CHIC1: variants seen among roughly 807,000 people sequenced by gnomAD.
CHIC1 encodes the protein cysteine-rich hydrophobic domain-containing protein 1.
CHIC1 carries 7 observed loss-of-function variants against 18.5 expected under a neutral mutation model. That is an observed-to-expected ratio of 0.38 (90% CI 0.22 to 0.71). The LOEUF (loss-of-function observed/expected upper bound fraction) is 0.71. Among genes scored for constraint, CHIC1 ranks in the 30% least tolerant of loss-of-function variants. CHIC1 has a pLI of 0.49. For missense variants in CHIC1, 159 were observed against 176.9 expected (o/e 0.90, Z 0.57); for synonymous variants, 77 against 73.5 (o/e 1.05, Z -0.25).
chrX:73,684,631 TTGATTA>T lies in CHIC1; in HGVS notation c.*3628_*3633del, dbSNP rs2058113645. 1 of 111,461 alleles carries T rather than the reference TTGATTA, an allele frequency of 9.0e-6. No homozygotes were observed. Among genetic ancestry groups the T allele is most frequent in the Admixed American group, 9.6e-5 (1 of 10,452 alleles). 9.2% of individuals were successfully genotyped at this position (111,461 alleles called of 1,213,427 possible). On this transcript the variant is annotated 3_prime_UTR_variant, in exon 6 of 6. Transcript: ENST00000373502. ...CATAGTAGAAATACTTTTTGCTAAT[TTGATTA>T]TAAGTGCTCAAATTTATTGAAATTA...
chrX:73,574,946 G>C (rs1156284049), intron 1 of CHIC1, among the ~76,000 whole-genome samples: 1 of 109,498 alleles, frequency 9.1e-6, no homozygotes, highest in Non-Finnish European at 1.9e-5. Flanking sequence ...GGGTTATTTT[G>C]TTCTTGTTTT....
chrX:73,601,809 T>A (rs1408435808), intron 3 of CHIC1, among the ~76,000 whole-genome samples: 1 of 104,739 alleles, frequency 9.5e-6, no homozygotes, highest in Non-Finnish European at 1.9e-5. Flanking sequence ...ATTGATAGAC[T>A]GCTAGCCAGA....
At chrX:73,563,689 G>A in intron 1 of CHIC1, 109 bp downstream of exon 1, 1 of 771,222 alleles carries the variant, frequency 1.3e-6, no homozygotes. Flanking sequence ...GATTGACTGA[G>A]GCGTACACTT....
At chrX:73,610,733 T>A (rs2057704339) in intron 3 of CHIC1, among the ~76,000 whole-genome samples, 1 of 108,697 alleles carries the variant, frequency 9.2e-6, no homozygotes, top group Non-Finnish European at 1.9e-5. Flanking sequence ...GGACACTTTT[T>A]TAAATTACTG....
chrX:73,667,127 C>CT (rs1350209400), intron 3 of CHIC1, among the ~76,000 whole-genome samples: 2 of 111,761 alleles, frequency 1.8e-5, no homozygotes, highest in Non-Finnish European at 3.8e-5. Flanking sequence ...CTTTTTTGAT[C>CT]TTTGTTGGTT....
chrX:73,610,523 G>A (rs2057703444), intron 3 of CHIC1, among the ~76,000 whole-genome samples: 1 of 107,440 alleles, frequency 9.3e-6, no homozygotes, highest in South Asian at 3.9e-4. Context: ...GGCCATCTTG[G>A]CCCCTTCCCA....
chrX:73,612,130 C>G (rs1313954670), intron 3 of CHIC1, among the ~76,000 whole-genome samples: 1 of 111,027 alleles, frequency 9.0e-6, no homozygotes, highest in Non-Finnish European at 1.9e-5. Context: ...CCTAAGTTTT[C>G]TTCTAGGGTT....
chrX:73,575,464 T>C (rs935716393), intron 1 of CHIC1, among the ~76,000 whole-genome samples: 1 of 110,258 alleles, frequency 9.1e-6, no homozygotes, highest in Non-Finnish European at 1.9e-5. Flanking sequence ...ACCTAGATGG[T>C]ATAGCCTAGT....
At chrX:73,580,971 G>A (rs1026139137) in intron 2 of CHIC1, among the ~76,000 whole-genome samples, 3 of 111,155 alleles carry the variant, frequency 2.7e-5, no homozygotes, top group Non-Finnish European at 3.8e-5. Context: ...AGAAAAGATT[G>A]TTTTCCCTAT....
intron 3 of CHIC1, among the ~76,000 whole-genome samples, chrX:73,604,463 G>C (rs1280721570): frequency 9.2e-6 from 1 of 108,125 alleles, no homozygotes; most frequent in African/African-American, 3.6e-5. Flanking sequence ...CCAGTTCCTG[G>C]ATTCATTGAT....
intron 3 of CHIC1, among the ~76,000 whole-genome samples, chrX:73,603,760 TTG>T (rs1472336775): frequency 4.6e-5 from 5 of 108,843 alleles, no homozygotes; most frequent in Admixed American, 1.9e-4. Flanking sequence ...TGAGATAATC[TTG>T]TGGGTTTGGT....
At position 73,619,096 on chromosome X, in the gene CHIC1, G is replaced by C. The variant is rs770392335; in HGVS notation, c.507+34524G>C. ...GTTCCCCAGTGAGGGTGTGTGTTCA[G>C]GGGTAAGATGATCCACCTTTCACAC... On this transcript the variant is annotated intron_variant, in intron 3 of 5. Coordinates refer to ENST00000373502, the MANE Select transcript of CHIC1 (RefSeq NM_001039840.4). Among the ~76,000 whole-genome samples the C allele has an allele frequency of 7.1e-5, 8 of 112,244 alleles. No individual in the cohort carries two copies. In the South Asian group the frequency reaches 3.0e-3, roughly 42 times the overall value.
chrX:73,648,647 G>T (rs144933558), intron 3 of CHIC1, among the ~76,000 whole-genome samples: 2 of 111,185 alleles, frequency 1.8e-5, no homozygotes, highest in African/African-American at 6.6e-5. Flanking sequence ...CTGAAAAAGG[G>T]CATGCATACA....
intron 3 of CHIC1, among the ~76,000 whole-genome samples, chrX:73,641,647 C>T (rs767917243): frequency 9.1e-6 from 1 of 110,211 alleles, no homozygotes; most frequent in South Asian, 4.0e-4. Context: ...AGGTATATCT[C>T]CTAAAGCCAT....
chrX:73,653,557 C>A (rs888010259), intron 3 of CHIC1, among the ~76,000 whole-genome samples: 1 of 111,583 alleles, frequency 9.0e-6, no homozygotes, highest in Non-Finnish European at 1.9e-5. Flanking sequence ...TGTGTATTTC[C>A]ATTCACATTT....
intron 3 of CHIC1, among the ~76,000 whole-genome samples, chrX:73,655,643 GTGTGTGTATA>G (rs200191398): frequency 1.4e-3 from 12 of 8,673 alleles, no homozygotes; most frequent in Non-Finnish European, 5.8e-3. Context: ...GTGTGTGTGT[GTGTGTGTATA>G]TATATATATA....
At chrX:73,576,706 T>G (rs1436882233) in intron 1 of CHIC1, among the ~76,000 whole-genome samples, 1 of 110,854 alleles carries the variant, frequency 9.0e-6, no homozygotes, top group Non-Finnish European at 1.9e-5. Flanking sequence ...TAGTATCATC[T>G]AACATTCAGG....
intron 3 of CHIC1, among the ~76,000 whole-genome samples, chrX:73,594,642 G>T (rs1300967632): frequency 8.9e-6 from 1 of 111,937 alleles, no homozygotes; most frequent in Admixed American, 9.5e-5. Context: ...TCAAGTACAC[G>T]ACTTGGAGCC....
intron 3 of CHIC1, among the ~76,000 whole-genome samples, chrX:73,601,888 T>C (rs2057652743): frequency 9.5e-6 from 1 of 105,278 alleles, no homozygotes; most frequent in African/African-American, 3.7e-5. Flanking sequence ...ATATCACCAC[T>C]GATCCCACAG....
Sources: allele counts gnomAD v4.1 joint callset (sites outside exome capture counted in the v4.1 genomes callset), GRCh38; gene constraint gnomAD v4.1.1; transcripts MANE v1.5; gene names NCBI Gene and HGNC (gene_info 2026-07-23, HGNC 2026-07-21).